MYO16: variants seen among roughly 807,000 people sequenced by gnomAD.
MYO16 encodes the protein myosin XVI.
In MYO16, 94 loss-of-function variants were observed where a neutral mutation model predicts 205.3. The ratio of observed to expected loss-of-function variants is 0.46; its 90% CI spans 0.39 to 0.54. The LOEUF (loss-of-function observed/expected upper bound fraction) is 0.54. Ranked by LOEUF, MYO16 falls within the 20% of genes least tolerant of loss-of-function variation. The pLI, the probability that MYO16 is intolerant of heterozygous loss-of-function variation, is 0.00. For synonymous variants in MYO16, 988 were observed against 954.0 expected, an observed-to-expected ratio of 1.04 and a Z score of -0.66; for missense variants, 2,315 against 2,387.5, an observed-to-expected ratio of 0.97 and a Z score of 0.63.
At chr13:108,876,554 T>C (rs182092414) in intron 12 of MYO16, among the ~76,000 whole-genome samples, 2 of 152,180 alleles carry the variant, frequency 1.3e-5, no homozygotes, top group East Asian at 3.9e-4. Context: ...TATCCTTCCA[T>C]CCAGTGTTTT....
In MYO16 at chr13:108,839,523, G is replaced by A. The variant is rs145720245; in HGVS notation, c.1098-4820G>A. 4.0e-4 allele frequency among the ~76,000 whole-genome samples: 61 copies of A among 152,194 alleles called. 1 individual carries two copies. The East Asian group carries it at 0.01, about 26-fold the overall frequency. On this transcript the variant is annotated intron_variant, in intron 9 of 34. Transcript: ENST00000457511. Reference sequence around the variant, plus strand: ...CAGTTTGTCAGACTGCAAGGCATATGTAGATAGCTACATAGACAACTGAGT... The same window carrying A: ...CAGTTTGTCAGACTGCAAGGCATATATAGATAGCTACATAGACAACTGAGT...
the MYO16 span, among the ~76,000 whole-genome samples, chr13:108,516,484 C>A: frequency 1.6e-4 from 25 of 152,284 alleles, no homozygotes; most frequent in African/African-American, 6.0e-4. Context: ...TCCTATTCGG[C>A]CATCTTGGCT....
chr13:108,553,486 T>C, the MYO16 span, among the ~76,000 whole-genome samples: 7 of 152,310 alleles, frequency 4.6e-5, no homozygotes, highest in Admixed American at 1.3e-4. Flanking sequence ...AGATAATGTT[T>C]ATTTTGTCTA....
intron 27 of MYO16, among the ~76,000 whole-genome samples, chr13:109,100,287 T>C (rs1459904487): frequency 6.6e-6 from 1 of 152,200 alleles, no homozygotes; most frequent in Non-Finnish European, 1.5e-5. Flanking sequence ...ATTTGAAATA[T>C]TCGATATATA....
intron 13 of MYO16, among the ~76,000 whole-genome samples, chr13:108,887,388 A>G (rs1039306099): frequency 3.3e-5 from 5 of 152,200 alleles, no homozygotes; most frequent in African/African-American, 9.7e-5. Flanking sequence ...AAGCTCTCCT[A>G]AAAGGGCTTT....
At chr13:108,863,564 T>C (rs1038983289) in intron 11 of MYO16, among the ~76,000 whole-genome samples, 2 of 152,278 alleles carry the variant, frequency 1.3e-5, no homozygotes, top group South Asian at 2.1e-4. Flanking sequence ...ATTATCATTA[T>C]TACTAAATTG....
intron 1 of MYO16, among the ~76,000 whole-genome samples, chr13:108,663,903 G>A (rs1311953947): frequency 1.3e-5 from 2 of 152,158 alleles, no homozygotes; most frequent in East Asian, 3.9e-4. Flanking sequence ...AAGTCAAAGT[G>A]TCACAAGTAT....
the MYO16 span, among the ~76,000 whole-genome samples, chr13:108,525,685 C>T: frequency 1.3e-5 from 2 of 152,206 alleles, no homozygotes; most frequent in African/African-American, 4.8e-5. Context: ...TTTGTGGACA[C>T]TTCCTCAGTG....
intron 4 of MYO16, among the ~76,000 whole-genome samples, chr13:108,781,802 G>A (rs1886313147): frequency 6.6e-6 from 1 of 152,130 alleles, no homozygotes; most frequent in African/African-American, 2.4e-5. Flanking sequence ...TCATGATAGT[G>A]AAGAAGTCTC....
chr13:108,969,777 G>A (rs867970341), intron 20 of MYO16, among the ~76,000 whole-genome samples: 1 of 152,114 alleles, frequency 6.6e-6, no homozygotes, highest in Admixed American at 6.6e-5. Flanking sequence ...CGAGAACTGC[G>A]GATTGTTAAA....
intron 20 of MYO16, among the ~76,000 whole-genome samples, chr13:108,968,252 AG>A (rs985399786): frequency 3.3e-5 from 5 of 152,130 alleles, no homozygotes; most frequent in South Asian, 2.1e-4. Context: ...TCTTTCGATG[AG>A]GGGGGGATTA....
At chr13:109,154,622 G>A (rs1043744952) in intron 32 of MYO16, among the ~76,000 whole-genome samples, 4 of 151,926 alleles carry the variant, frequency 2.6e-5, no homozygotes, top group Non-Finnish European at 4.4e-5. Context: ...TCACCAACAC[G>A]AAACACTCCC....
At chr13:108,678,461 G>A (rs77062562) in intron 2 of MYO16, among the ~76,000 whole-genome samples, 6,626 of 152,120 alleles carry the variant, frequency 0.044, 222 homozygotes, top group South Asian at 0.15. Context: ...AACACGTCTC[G>A]GAAGGTGTCT....
intron 4 of MYO16, among the ~76,000 whole-genome samples, chr13:108,769,575 GT>G (rs1697538331): frequency 6.6e-6 from 1 of 152,170 alleles, no homozygotes; most frequent in African/African-American, 2.4e-5. Flanking sequence ...TCTGCAAAAG[GT>G]TTTGAGGTGG....
chr13:108,537,613 C>G, the MYO16 span, among the ~76,000 whole-genome samples: 1 of 152,076 alleles, frequency 6.6e-6, no homozygotes, highest in Non-Finnish European at 1.5e-5. Context: ...TACATTAACA[C>G]TAACAGTGGG....
chr13:108,521,104 C>T, the MYO16 span, among the ~76,000 whole-genome samples: 86 of 151,794 alleles, frequency 5.7e-4, no homozygotes, highest in Non-Finnish European at 8.7e-4. Context: ...GTCTATTTTG[C>T]TAGGTATGAG....
the MYO16 span, among the ~76,000 whole-genome samples, chr13:108,499,291 T>C: frequency 1.3e-5 from 2 of 152,352 alleles, no homozygotes; most frequent in East Asian, 3.9e-4. Context: ...ACCTTGACTT[T>C]GAAGATTGTA....
At chr13:109,088,095 G>C (rs1019770641) in intron 27 of MYO16, among the ~76,000 whole-genome samples, 1 of 152,210 alleles carries the variant, frequency 6.6e-6, no homozygotes, top group East Asian at 1.9e-4. Flanking sequence ...CAGTGTGGTT[G>C]GTTCCTCTGC....
chr13:108,727,160 T>C (rs1296257650), intron 3 of MYO16, among the ~76,000 whole-genome samples: 1 of 152,016 alleles, frequency 6.6e-6, no homozygotes, highest in Admixed American at 6.6e-5. Flanking sequence ...TATCTACAAA[T>C]GAAATAAAAA....
Sources: gnomAD v4.1 joint callset for allele counts (sites outside exome capture counted in the v4.1 genomes callset) on GRCh38, gnomAD v4.1.1 for gene constraint, MANE v1.5 for transcripts, NCBI Gene and HGNC (gene_info 2026-07-23, HGNC 2026-07-21) for gene names.